ZNF735: variants seen among roughly 807,000 people sequenced by gnomAD.
The protein encoded by ZNF735 is zinc finger protein 735.
Under a neutral mutation model 13.4 loss-of-function variants are expected in ZNF735, and 11 were observed. That is an observed-to-expected ratio of 0.82 (90% confidence interval 0.52 to 1.36). ZNF735 has a LOEUF of 1.36. ZNF735 is among the 40% of genes most tolerant of loss of function. The probability of loss-of-function intolerance (pLI) is 0.00; values close to 1 mark genes in which losing one functional copy is unlikely to be tolerated. For synonymous variants in ZNF735, 171 were observed against 162.6 expected (o/e 1.05, Z -0.39); for missense variants, 500 against 484.6 (o/e 1.03, Z -0.30).
chr7:64,213,061 T>C (rs1277924984), intron 1 of ZNF735, 31 bp from the exon 2 acceptor site: 7 of 1,589,746 alleles, frequency 4.4e-6, no homozygotes, highest in Non-Finnish European at 6.0e-6. Context: ...GGTAAGTGTG[T>C]GTTCATGAGG....
In ZNF735 at chr7:64,215,688, AT is replaced by A. The variant is rs570508573; in HGVS notation, c.262+1586del. 4.9e-3 allele frequency among the ~76,000 whole-genome samples: 730 copies of A among 150,494 alleles called. 4 individuals carry two copies. Among genetic ancestry groups the A allele is most frequent in the African/African-American group, 0.017 (703 of 40,912 alleles). ...TCAGTCCAAGTATTTTGTTTAAAAT[AT>A]TTTTTGTATATGGTGCAATTAAAGC... On this transcript the variant is annotated intron_variant, in intron 3 of 3. Coordinates refer to ENST00000429565, the Ensembl canonical transcript of ZNF735.
exon 4 of ZNF735, chr7:64,219,396 T>C (rs754760128): frequency 9.5e-5 from 154 of 1,613,778 alleles, no homozygotes; most frequent in Non-Finnish European, 1.1e-4. Flanking sequence ...CAAGAACATA[T>C]GGAAAATGTG....
intron 3 of ZNF735, among the ~76,000 whole-genome samples, chr7:64,217,695 T>C (rs1048668407): frequency 2.0e-5 from 3 of 152,084 alleles, no homozygotes; most frequent in Admixed American, 6.5e-5. Context: ...TATCAGTCTT[T>C]GTCTCATGCT....
At chr7:64,207,385 G>A (rs1449023588) in intron 1 of ZNF735, 144 bp downstream of exon 1, 8 of 1,483,866 alleles carry the variant, frequency 5.4e-6, no homozygotes, top group Non-Finnish European at 7.4e-6. Context: ...TCGGCTGTTA[G>A]CCCCCTCCAG....
At chr7:64,209,608 A>G (rs1401906055) in intron 1 of ZNF735, among the ~76,000 whole-genome samples, 1 of 152,138 alleles carries the variant, frequency 6.6e-6, no homozygotes, top group African/African-American at 2.4e-5. Flanking sequence ...TCCAGGAGTG[A>G]GCCGCAGTGC....
At chr7:64,209,743 G>A (rs192816084) in intron 1 of ZNF735, among the ~76,000 whole-genome samples, 15 of 152,176 alleles carry the variant, frequency 9.9e-5, no homozygotes, top group African/African-American at 3.6e-4. Flanking sequence ...TCTTTTAATT[G>A]TAACATTAGA....
chr7:64,218,807 C>CT (rs1787452438), intron 3 of ZNF735, among the ~76,000 whole-genome samples: 1 of 152,162 alleles, frequency 6.6e-6, no homozygotes, highest in African/African-American at 2.4e-5. Context: ...GGTAGAGATT[C>CT]TGGGAGTCTT....
intron 3 of ZNF735, among the ~76,000 whole-genome samples, chr7:64,216,326 T>C (rs1365440535): frequency 6.6e-6 from 1 of 151,970 alleles, no homozygotes; most frequent in Non-Finnish European, 1.5e-5. Context: ...AATATTTCAA[T>C]AATAAATATA....
At chr7:64,212,203 T>A (rs1787368714) in intron 1 of ZNF735, among the ~76,000 whole-genome samples, 1 of 152,204 alleles carries the variant, frequency 6.6e-6, no homozygotes, top group African/African-American at 2.4e-5. Context: ...ATATTTGTCT[T>A]TTAAAGTTGA....
At chr7:64,208,559 G>GT (rs953955569) in intron 1 of ZNF735, among the ~76,000 whole-genome samples, 2 of 151,862 alleles carry the variant, frequency 1.3e-5, no homozygotes, top group Admixed American at 1.3e-4. Flanking sequence ...ACTCAGTCAA[G>GT]TTTTTTTTCT....
intron 3 of ZNF735, among the ~76,000 whole-genome samples, chr7:64,218,428 ACTT>A (rs1787447169): frequency 6.7e-6 from 1 of 149,100 alleles, no homozygotes; most frequent in Non-Finnish European, 1.5e-5. Context: ...TGTTTGTTTA[ACTT>A]CTTCATTTGT....
intron 3 of ZNF735, among the ~76,000 whole-genome samples, chr7:64,216,229 G>A (rs560752442): frequency 6.6e-6 from 1 of 151,956 alleles, no homozygotes; most frequent in East Asian, 1.9e-4. Context: ...CCAGGAGGTG[G>A]CGCTTGCAGT....
exon 2 of ZNF735, chr7:64,213,109 A>G: frequency 6.2e-7 from 1 of 1,612,652 alleles, no homozygotes; most frequent in Middle Eastern, 1.7e-4. Context: ...TGACATTCAG[A>G]GACATAGCTA....
chr7:64,210,830 G>GGT (rs764018051), intron 1 of ZNF735, among the ~76,000 whole-genome samples: 9 of 152,114 alleles, frequency 5.9e-5, no homozygotes, highest in Non-Finnish European at 2.9e-5. Context: ...TCTGCCCTTG[G>GGT]GTGTGTGTGG....
chr7:64,208,006 A>G (rs1280285460), intron 1 of ZNF735, among the ~76,000 whole-genome samples: 1 of 151,976 alleles, frequency 6.6e-6, no homozygotes, highest in Admixed American at 6.6e-5. Flanking sequence ...AAGAAGAACC[A>G]TAGAGCGCCC....
At chr7:64,216,669 A>T (rs1787425859) in intron 3 of ZNF735, among the ~76,000 whole-genome samples, 1 of 151,838 alleles carries the variant, frequency 6.6e-6, no homozygotes, top group Non-Finnish European at 1.5e-5. Context: ...GCAGTAGCAC[A>T]ATCTTGGCTC....
At chr7:64,207,334 C>T (rs1787300646) in intron 1 of ZNF735, 93 bp downstream of exon 1, 1 of 1,611,540 alleles carries the variant, frequency 6.2e-7, no homozygotes, top group African/African-American at 1.3e-5. Context: ...TCCTCGCAGT[C>T]AGCTCCGGAG....
At chr7:64,212,956 C>T (rs1787377455) in intron 1 of ZNF735, 136 bp from the exon 2 acceptor site, 1 of 889,276 alleles carries the variant, frequency 1.1e-6, no homozygotes, top group South Asian at 1.8e-5. Context: ...AATTATCTTA[C>T]TGAGTAATTT....
exon 4 of ZNF735, chr7:64,219,323 C>T (rs1338502868): frequency 1.2e-6 from 2 of 1,611,776 alleles, no homozygotes; most frequent in Non-Finnish European, 1.7e-6. Flanking sequence ...GTTACATGTT[C>T]TCATTTCAAC....
Sources: allele counts gnomAD v4.1 joint callset (sites outside exome capture counted in the v4.1 genomes callset), GRCh38; gene constraint gnomAD v4.1.1; transcripts MANE v1.5; gene names NCBI Gene and HGNC (gene_info 2026-07-23, HGNC 2026-07-21).